The following STAG1 variants were observed in gnomAD, a reference collection of about 807,000 sequenced individuals.
The protein encoded by STAG1 is cohesin subunit SA-1.
STAG1 carries 26 observed loss-of-function variants against 170.9 expected under a neutral mutation model. The observed-to-expected ratio is 0.15, with a 90% confidence interval of 0.11 to 0.21. The LOEUF (loss-of-function observed/expected upper bound fraction) is 0.21, where lower values mean the gene tolerates loss of function less well. Ranked by LOEUF, STAG1 falls within the 10% of genes least tolerant of loss-of-function variation. STAG1 has a pLI of 1.00. For synonymous variants in STAG1, 514 were observed against 497.7 expected, an observed-to-expected ratio of 1.03 and a Z score of -0.44; for missense variants, 964 against 1,509.5, an observed-to-expected ratio of 0.64 and a Z score of 5.99.
At chr3:136,416,566 A>G (rs933725833) in intron 21 of STAG1, among the ~76,000 whole-genome samples, 7 of 152,242 alleles carry the variant, frequency 4.6e-5, no homozygotes, top group Admixed American at 4.6e-4. Flanking sequence ...TAAAAAGAAT[A>G]TCTTAACTCT....
At chr3:136,395,546 G>A (rs141585901) in intron 22 of STAG1, among the ~76,000 whole-genome samples, 12,500 of 152,048 alleles carry the variant, frequency 0.082, 1,703 homozygotes, top group African/African-American at 0.28. Context: ...ACTTGAACCC[G>A]GGAGGTAGAG....
At chr3:136,391,605 G>C (rs1048749282) in intron 22 of STAG1, among the ~76,000 whole-genome samples, 5 of 152,114 alleles carry the variant, frequency 3.3e-5, no homozygotes, top group Non-Finnish European at 7.4e-5. Flanking sequence ...TTGATCTCTT[G>C]ACCTTGTGAT....
At chr3:136,366,879 C>A in intron 25 of STAG1, 64 bp downstream of exon 25, 2 of 1,383,626 alleles carry the variant, frequency 1.4e-6, no homozygotes, top group Non-Finnish European at 2.0e-6. Flanking sequence ...CTGTCATCAT[C>A]CTTTCAATTG....
intron 4 of STAG1, among the ~76,000 whole-genome samples, chr3:136,600,286 T>C (rs1938606826): frequency 6.6e-6 from 1 of 152,226 alleles, no homozygotes; most frequent in African/African-American, 2.4e-5. Context: ...ATTGGCACTT[T>C]CCTTCAGCCT....
intron 4 of STAG1, among the ~76,000 whole-genome samples, chr3:136,575,376 C>T (rs1331379838): frequency 6.6e-6 from 1 of 152,132 alleles, no homozygotes; most frequent in East Asian, 1.9e-4. Context: ...AGGCATATGC[C>T]ACTGTGCCTG....
At chr3:136,723,261 G>A (rs1391305049) in intron 1 of STAG1, among the ~76,000 whole-genome samples, 5 of 150,456 alleles carry the variant, frequency 3.3e-5, no homozygotes, top group East Asian at 2.0e-4. Flanking sequence ...GCCTCTTCCC[G>A]GCCGCCATCC....
Position 136,556,322 on chromosome 3 carries a change from A to C in STAG1, c.394+12443T>G, listed in dbSNP as rs186837897. 2.6e-4 allele frequency among the ~76,000 whole-genome samples: 40 copies of C among 152,302 alleles called. No individual in the cohort carries two copies. In the Middle Eastern group the frequency reaches 0.01, roughly 39 times the overall value. On this transcript the variant is annotated intron_variant, in intron 5 of 33. Coordinates refer to ENST00000383202, the MANE Select transcript of STAG1 (RefSeq NM_005862.3). ...CAAACTGAAAGATTCTATTTTATCAAAATGTAAATTCATCCCCACTGATAT... is the reference window on the plus strand; with the variant it reads ...CAAACTGAAAGATTCTATTTTATCACAATGTAAATTCATCCCCACTGATAT...
At chr3:136,427,264 G>A (rs2088159144) in intron 16 of STAG1, among the ~76,000 whole-genome samples, 1 of 151,804 alleles carries the variant, frequency 6.6e-6, no homozygotes, top group South Asian at 2.1e-4. Context: ...AATCATAACT[G>A]TACAGAATTA....
intron 3 of STAG1, among the ~76,000 whole-genome samples, chr3:136,605,199 G>A (rs1938875575): frequency 6.6e-6 from 1 of 152,120 alleles, no homozygotes; most frequent in South Asian, 2.1e-4. Flanking sequence ...TCAGGTACTG[G>A]CAATACAGCA....
chr3:136,598,395 C>G (rs1028235104), intron 4 of STAG1, among the ~76,000 whole-genome samples: 1 of 151,950 alleles, frequency 6.6e-6, no homozygotes, highest in Non-Finnish European at 1.5e-5. Context: ...CACATTACAA[C>G]TCTGTATATC....
chr3:136,592,423 T>C (rs1938230228), intron 4 of STAG1, among the ~76,000 whole-genome samples: 1 of 152,190 alleles, frequency 6.6e-6, no homozygotes, highest in African/African-American at 2.4e-5. Flanking sequence ...CCTTCCACCA[T>C]GATTGTAAGT....
intron 9 of STAG1, among the ~76,000 whole-genome samples, chr3:136,477,847 G>A (rs1199711925): frequency 6.6e-6 from 1 of 152,160 alleles, no homozygotes; most frequent in Non-Finnish European, 1.5e-5. Context: ...CTGGAGTGCA[G>A]TGGCATGATT....
intron 1 of STAG1, among the ~76,000 whole-genome samples, chr3:136,744,419 TCTTA>T (rs1288200884): frequency 6.6e-6 from 1 of 152,224 alleles, no homozygotes; most frequent in African/African-American, 2.4e-5. Flanking sequence ...GAATTTACTA[TCTTA>T]CTAACATCTT....
intron 3 of STAG1, among the ~76,000 whole-genome samples, chr3:136,616,247 C>T (rs1011203104): frequency 6.8e-6 from 1 of 146,920 alleles, no homozygotes; most frequent in African/African-American, 2.5e-5. Context: ...CCAGCCTGGG[C>T]GACAGAGCAA....
chr3:136,365,711 C>T (rs1240412747), intron 25 of STAG1, among the ~76,000 whole-genome samples: 5 of 151,888 alleles, frequency 3.3e-5, no homozygotes, highest in Admixed American at 1.3e-4. Flanking sequence ...GTAATGCCTG[C>T]GAATATTTGG....
At chr3:136,737,192 C>A in intron 1 of STAG1, 1 of 713,878 alleles carries the variant, frequency 1.4e-6, no homozygotes, top group Non-Finnish European at 2.6e-6. Context: ...ATGCTGCCTC[C>A]GCCACACGAA....
chr3:136,662,044 G>A lies in STAG1; in HGVS notation c.-83-31063C>T, dbSNP rs147841796. On this transcript the variant is annotated intron_variant, in intron 1 of 33. Coordinates refer to ENST00000383202, the MANE Select transcript of STAG1 (RefSeq NM_005862.3). ...CTATCCTTCATCCTAATAAGCTGAC[G>A]TTTCTCTAATCACCTCACACCTTTT... Among the ~76,000 whole-genome samples the A allele has an allele frequency of 3.5e-4, 53 of 152,000 alleles. 1 individual carries two copies. The highest frequency in any genetic ancestry group is 1.2e-3 in the Admixed American group (18 of 15,276).
chr3:136,574,506 T>A (rs1937386726), intron 4 of STAG1, among the ~76,000 whole-genome samples: 1 of 152,052 alleles, frequency 6.6e-6, no homozygotes, highest in South Asian at 2.1e-4. Context: ...ACACACACCA[T>A]GCAAACATTA....
At chr3:136,653,543 AACACT>A (rs1258268411) in intron 1 of STAG1, among the ~76,000 whole-genome samples, 1 of 152,128 alleles carries the variant, frequency 6.6e-6, no homozygotes, top group Non-Finnish European at 1.5e-5. Flanking sequence ...CACTATTCTA[AACACT>A]ATACACATAT....
Sources: allele counts gnomAD v4.1 joint callset (sites outside exome capture counted in the v4.1 genomes callset), GRCh38; gene constraint gnomAD v4.1.1; transcripts MANE v1.5; gene names NCBI Gene and HGNC (gene_info 2026-07-23, HGNC 2026-07-21).